The following SPRED2 variants were observed in gnomAD, a reference collection of about 807,000 sequenced individuals.
SPRED2 encodes the protein sprouty-related, EVH1 domain-containing protein 2.
A neutral mutation model predicts 43.0 loss-of-function variants in SPRED2; 47 were observed. The observed-to-expected ratio is 1.09, with a 90% CI of 0.87 to 1.40. The LOEUF (loss-of-function observed/expected upper bound fraction) is 1.40, where lower values mean the gene tolerates loss of function less well. SPRED2 is among the 40% of genes most tolerant of loss of function. The probability of loss-of-function intolerance (pLI) is 0.00; values close to 1 mark genes in which losing one functional copy is unlikely to be tolerated. For missense variants in SPRED2, 561 were observed against 586.4 expected (o/e 0.96, Z 0.45); for synonymous variants, 225 against 225.7 (o/e 1.00, Z 0.03).
At chr2:65,392,175 C>CTTTTT (rs70943649) in intron 1 of SPRED2, among the ~76,000 whole-genome samples, 9 of 98,718 alleles carry the variant, frequency 9.1e-5, no homozygotes, top group South Asian at 3.4e-4. Context: ...TCCAGAATTT[C>CTTTTT]TTTTTTTTTT....
At chr2:65,330,521 A>G (rs1673778593) in intron 4 of SPRED2, among the ~76,000 whole-genome samples, 1 of 152,096 alleles carries the variant, frequency 6.6e-6, no homozygotes, top group African/African-American at 2.4e-5. Context: ...AACCGAGTGG[A>G]AAGTAGAGAT....
chr2:65,331,887 G>A lies in SPRED2; in HGVS notation c.438+100C>T, dbSNP rs1015871069. The A allele has an allele frequency of 1.1e-5, 10 of 875,536 alleles. No homozygotes were observed. In the African/African-American group the frequency reaches 1.5e-4, roughly 13 times the overall value. The allele number at this position is 875,536 out of a possible 1,614,324, so 54.2% of individuals were successfully genotyped here. On this transcript the variant is annotated intron_variant, in intron 4 of 5. Transcript: ENST00000356388. The stretch of plus-strand genomic sequence containing the variant: ...CTCTGATGCCATCCAAACAGCAACA[G>A]CAAACACTGCATTGCAAAGTGTGCC...
intron 1 of SPRED2, among the ~76,000 whole-genome samples, chr2:65,399,752 T>C (rs754077990): frequency 1.3e-5 from 2 of 152,136 alleles, no homozygotes; most frequent in Non-Finnish European, 2.9e-5. Flanking sequence ...TTCTCACTCA[T>C]ATGTGGGAGC....
intron 2 of SPRED2, 63 bp downstream of exon 2, chr2:65,344,656 T>C: frequency 1.9e-6 from 3 of 1,576,644 alleles, no homozygotes; most frequent in Non-Finnish European, 2.6e-6. Context: ...AAGAGGACTA[T>C]GATTTAACGT....
At chr2:65,412,816 A>C (rs1380993856) in intron 1 of SPRED2, among the ~76,000 whole-genome samples, 1 of 152,206 alleles carries the variant, frequency 6.6e-6, no homozygotes, top group African/African-American at 2.4e-5. Context: ...TCCTAGTCTC[A>C]AACTCCACAG....
At chr2:65,351,905 G>A (rs1479916692) in intron 1 of SPRED2, among the ~76,000 whole-genome samples, 1 of 152,160 alleles carries the variant, frequency 6.6e-6, no homozygotes, top group East Asian at 1.9e-4. Context: ...CCTGGTTTTG[G>A]AAGTTTATAT....
At chr2:65,362,246 C>G (rs1674833547) in intron 1 of SPRED2, among the ~76,000 whole-genome samples, 1 of 152,108 alleles carries the variant, frequency 6.6e-6, no homozygotes, top group African/African-American at 2.4e-5. Context: ...CACTTGCTTT[C>G]TCTATGGTCA....
At chr2:65,406,502 G>A (rs1676026429) in intron 1 of SPRED2, among the ~76,000 whole-genome samples, 2 of 152,170 alleles carry the variant, frequency 1.3e-5, no homozygotes, top group South Asian at 4.1e-4. Flanking sequence ...TTTTAGAAAG[G>A]CAGTGACAAG....
In SPRED2 at chr2:65,407,878, CT is replaced by C. The variant is rs1676062998; in HGVS notation, c.26+24083del. On this transcript the variant is annotated intron_variant, in intron 1 of 5. Coordinates refer to ENST00000356388, the MANE Select transcript of SPRED2 (RefSeq NM_181784.3). ...CAAAGCTCTAGCTATATTTTTACTT[CT>C]CAGAACAAACAACAACAAAATATCA... Among the ~76,000 whole-genome samples, 4 of 152,154 alleles carry C rather than the reference CT, an allele frequency of 2.6e-5. No individual in the cohort carries two copies. In the South Asian group the frequency reaches 8.3e-4, roughly 32 times the overall value.
chr2:65,392,735 C>G (rs1675667049), intron 1 of SPRED2, among the ~76,000 whole-genome samples: 1 of 152,184 alleles, frequency 6.6e-6, no homozygotes, highest in African/African-American at 2.4e-5. Context: ...ATGAGACCTA[C>G]TCTCAGTAAT....
At chr2:65,400,102 T>C (rs985480580) in intron 1 of SPRED2, among the ~76,000 whole-genome samples, 1 of 152,210 alleles carries the variant, frequency 6.6e-6, no homozygotes, top group Non-Finnish European at 1.5e-5. Context: ...TGACATCAAA[T>C]TCAGTGATTA....
intron 1 of SPRED2, among the ~76,000 whole-genome samples, chr2:65,371,482 T>C (rs928571031): frequency 6.6e-6 from 1 of 152,164 alleles, no homozygotes; most frequent in Non-Finnish European, 1.5e-5. Flanking sequence ...GAGAAATGTC[T>C]ATGTTAAATA....
Position 65,332,001 on chromosome 2 carries a change from C to T in SPRED2, c.424G>A (p.Asp142Asn). 6.2e-7 allele frequency: 1 copy of T among 1,608,670 alleles called. No homozygotes were observed. The highest frequency in any genetic ancestry group is 8.5e-7 in the Non-Finnish European group (1 of 1,176,920). The change falls in exon 4 of 6, where the codon GAT becomes AAT. Residue 142 changes from aspartate (D) to asparagine (N), a missense_variant. By Grantham distance (23) the Asp-to-Asn change is conservative (BLOSUM62 1). Transcript: ENST00000356388. The part of the protein sequence containing the change: ...TIHNEAELGD[D>N]DVFTTATDSS... ...AGGAAACTTACTGTAAAAACGTCAT[C>T]ATCGCCAAGCTCAGCTTCATTATGG...
At chr2:65,397,860 T>G (rs1436471322) in intron 1 of SPRED2, among the ~76,000 whole-genome samples, 1 of 152,060 alleles carries the variant, frequency 6.6e-6, no homozygotes, top group East Asian at 1.9e-4. Flanking sequence ...AATACCACCA[T>G]TATTCTTCAC....
chr2:65,407,120 G>A (rs1384525106), intron 1 of SPRED2, among the ~76,000 whole-genome samples: 2 of 151,796 alleles, frequency 1.3e-5, no homozygotes, highest in Non-Finnish European at 2.9e-5. Flanking sequence ...GTAGAGATGG[G>A]GTTTCACCAT....
intron 1 of SPRED2, among the ~76,000 whole-genome samples, chr2:65,360,088 A>AC (rs1674764818): frequency 1.5e-5 from 1 of 67,262 alleles, no homozygotes. Context: ...ACAAAAAAAA[A>AC]CAAAAAAAAA....
intron 1 of SPRED2, among the ~76,000 whole-genome samples, chr2:65,384,020 C>T (rs1036055444): frequency 2.0e-5 from 3 of 152,180 alleles, no homozygotes; most frequent in Non-Finnish European, 2.9e-5. Flanking sequence ...GAGCCTTGCC[C>T]CACTCCTGCA....
chr2:65,320,392 C>T (rs1205396548), intron 4 of SPRED2, among the ~76,000 whole-genome samples: 1 of 152,176 alleles, frequency 6.6e-6, no homozygotes, highest in Non-Finnish European at 1.5e-5. Flanking sequence ...TCCGGCTTTT[C>T]CTAGGACTCA....
Position 65,431,982 on chromosome 2 carries a change from G to C in SPRED2, c.6C>G (p.Thr2=), listed in dbSNP as rs755307940. ...CTTACTCGTCTGGGTGTGTTTCTTC[G>C]GTCATTTTCTTGTTCACCTAGACGC... The part of the protein sequence containing the change: M[T]EETHPDDDSY... Residue 2 remains threonine (T), a synonymous_variant, in exon 1 of 6, where the codon ACC becomes ACG. Transcript: ENST00000356388. 31 of 1,613,812 alleles carry C rather than the reference G, an allele frequency of 1.9e-5. No homozygotes were observed.
Sources: allele counts gnomAD v4.1 joint callset (sites outside exome capture counted in the v4.1 genomes callset), GRCh38; gene constraint gnomAD v4.1.1; transcripts MANE v1.5; gene names NCBI Gene and HGNC (gene_info 2026-07-23, HGNC 2026-07-21).